Variants in SLC45A4 observed in about 807,000 individuals in gnomAD.
The protein encoded by SLC45A4 is solute carrier family 45 member 4.
In SLC45A4, 32 loss-of-function variants were observed where a neutral mutation model predicts 63.7. The observed-to-expected ratio is 0.50, with a 90% CI of 0.38 to 0.67. The LOEUF (loss-of-function observed/expected upper bound fraction) is 0.67, where lower values mean the gene tolerates loss of function less well. Among genes scored for constraint, SLC45A4 ranks in the 30% least tolerant of loss-of-function variants. The probability of loss-of-function intolerance (pLI) is 0.00; values close to 1 mark genes in which losing one functional copy is unlikely to be tolerated. For missense variants in SLC45A4, 1,027 were observed against 1,157.7 expected, an observed-to-expected ratio of 0.89 and a Z score of 1.64; for synonymous variants, 535 against 510.0, an observed-to-expected ratio of 1.05 and a Z score of -0.66.
chr8:141,293,550 T>C (rs778180702), intron 1 of SLC45A4, among the ~76,000 whole-genome samples: 36 of 152,376 alleles, frequency 2.4e-4, no homozygotes, highest in Non-Finnish European at 2.6e-4. Context: ...TGGCAATGTC[T>C]GCCTTTGAGC....
chr8:141,305,506 T>C (rs1830870121), intron 1 of SLC45A4, among the ~76,000 whole-genome samples: 1 of 152,192 alleles, frequency 6.6e-6, no homozygotes, highest in Non-Finnish European at 1.5e-5. Context: ...TCCTCACCCA[T>C]CATTAGCAGG....
chr8:141,231,557 G>C (rs1029478735), intron 2 of SLC45A4, among the ~76,000 whole-genome samples: 12 of 152,224 alleles, frequency 7.9e-5, no homozygotes, highest in African/African-American at 2.9e-4. Context: ...CCCAGCAACA[G>C]CAGGTGGGCG....
chr8:141,285,391 C>T (rs956419237), intron 1 of SLC45A4, among the ~76,000 whole-genome samples: 3 of 152,248 alleles, frequency 2.0e-5, no homozygotes, highest in South Asian at 2.1e-4. Flanking sequence ...CCCAGTTACA[C>T]GGGTTCGACC....
At chr8:141,298,054 C>T (rs1472814799) in intron 1 of SLC45A4, among the ~76,000 whole-genome samples, 1 of 146,128 alleles carries the variant, frequency 6.8e-6, no homozygotes, top group Non-Finnish European at 1.5e-5. Context: ...AGCCCTGCGG[C>T]AAGCCCGACT....
intron 2 of SLC45A4, among the ~76,000 whole-genome samples, chr8:141,248,524 C>T (rs1828320401): frequency 6.6e-6 from 1 of 151,670 alleles, no homozygotes; most frequent in Non-Finnish European, 1.5e-5. Context: ...GAGCTGTGAT[C>T]ACACCACTGC....
Position 141,218,517 on chromosome 8 carries a change from C to A in SLC45A4, c.1123G>T (p.Asp375Tyr). The change falls in exon 5 of 9, where the codon GAT (aspartate) becomes TAT (tyrosine). Residue 375 changes from aspartate to tyrosine, a missense_variant. Coordinates refer to ENST00000517878, the MANE Select transcript of SLC45A4 (RefSeq NM_001286646.2). Reference sequence around the variant, plus strand: ...ACTTTAGCTTCATTCAAGTGATTATCCAGCAAGGTCTCGTCCTCCTTGGCG... The same window carrying A: ...ACTTTAGCTTCATTCAAGTGATTATACAGCAAGGTCTCGTCCTCCTTGGCG... ...EAAKEDETLL[D>Y]NHLNEAKVPN... 1 of 1,613,562 alleles carries A rather than the reference C, an allele frequency of 6.2e-7. No individual in the cohort carries two copies. The highest frequency in any genetic ancestry group is 1.3e-5 in the African/African-American group (1 of 75,044).
rs1482501790 is a variant in SLC45A4 at position 141,209,651 on chromosome 8, C to CTG, written c.*1919_*1920dup. 8 of 152,348 alleles carry CTG rather than the reference C, an allele frequency of 5.3e-5. No individual in the cohort carries two copies. Among genetic ancestry groups the CTG allele is most frequent in the African/African-American group, 1.9e-4 (8 of 41,470 alleles). The allele number at this position is 152,348 out of a possible 1,614,324, so 9.4% of individuals were successfully genotyped here. On this transcript the variant is annotated 3_prime_UTR_variant, in exon 9 of 9. Coordinates refer to ENST00000517878, the MANE Select transcript of SLC45A4 (RefSeq NM_001286646.2). Reference sequence around the variant, plus strand: ...CTACAAAGTGTGCAGCCACCGACTCCTGTCACCGAGGAGCACACAACAGTC... The same window carrying CTG: ...CTACAAAGTGTGCAGCCACCGACTCCTGTGTCACCGAGGAGCACACAACAGTC...
At chr8:141,242,709 T>G (rs998112477) in intron 2 of SLC45A4, among the ~76,000 whole-genome samples, 1 of 152,174 alleles carries the variant, frequency 6.6e-6, no homozygotes, top group Non-Finnish European at 1.5e-5. Context: ...CTCCCTGCTC[T>G]CACTCACAGG....
At chr8:141,296,467 C>G (rs1445581493) in intron 1 of SLC45A4, among the ~76,000 whole-genome samples, 2 of 146,586 alleles carry the variant, frequency 1.4e-5, no homozygotes, top group Non-Finnish European at 3.0e-5. Flanking sequence ...CTGCTGCACT[C>G]CAGCCTGGGT....
intron 2 of SLC45A4, chr8:141,228,031 C>T (rs953703906): frequency 5.9e-5 from 53 of 892,124 alleles, no homozygotes; most frequent in Admixed American, 2.0e-4. Flanking sequence ...CAGGACCCAG[C>T]GCCTCATTTC....
chr8:141,297,354 C>T (rs921486579), intron 1 of SLC45A4, among the ~76,000 whole-genome samples: 2 of 152,116 alleles, frequency 1.3e-5, no homozygotes, highest in African/African-American at 2.4e-5. Flanking sequence ...GCCTAAGGCC[C>T]GCTAAGCCGA....
chr8:141,306,621 C>T (rs1423695855), intron 1 of SLC45A4, among the ~76,000 whole-genome samples: 1 of 152,258 alleles, frequency 6.6e-6, no homozygotes, highest in African/African-American at 2.4e-5. Flanking sequence ...CTAACCTGTA[C>T]ACCAATACTC....
chr8:141,231,862 C>T (rs895579958), intron 2 of SLC45A4, among the ~76,000 whole-genome samples: 4 of 152,248 alleles, frequency 2.6e-5, no homozygotes, highest in African/African-American at 7.2e-5. Context: ...CTCTCAACAG[C>T]GCCTGGTGAG....
chr8:141,219,109 T>C, intron 4 of SLC45A4, 80 bp from the exon 5 acceptor site: 1 of 1,502,762 alleles, frequency 6.7e-7, no homozygotes, highest in Non-Finnish European at 9.0e-7. Flanking sequence ...CCTCTCCCTC[T>C]AACAGGGGGC....
rs768730560 is a variant in SLC45A4, at chr8:141,211,420, G to A, written c.*152C>T. On this transcript the variant is annotated 3_prime_UTR_variant, in exon 9 of 9. Transcript: ENST00000517878. ...TGCCCAGCCCATCCCTGGGCAGGGT[G>A]TCTGGGAGCCACCCCTGCAAATCAC... 8.4e-6 allele frequency: 13 copies of A among 1,554,000 alleles called. 1 individual carries two copies. The South Asian group carries it at 1.6e-4, about 19-fold the overall frequency.
At chr8:141,271,363 G>A (rs1251536778) in intron 1 of SLC45A4, among the ~76,000 whole-genome samples, 1 of 152,198 alleles carries the variant, frequency 6.6e-6, no homozygotes, top group Non-Finnish European at 1.5e-5. Context: ...TTTTCCATCT[G>A]CAAAGGCAAA....
chr8:141,307,792 C>G (rs1385659102), intron 1 of SLC45A4, among the ~76,000 whole-genome samples: 2 of 107,994 alleles, frequency 1.9e-5, no homozygotes, highest in Non-Finnish European at 1.8e-5. Context: ...AATGAAGGCG[C>G]GCGCCCCGGG....
Position 141,229,440 on chromosome 8 carries a change from G to A in SLC45A4, c.242-7675C>T, listed in dbSNP as rs1472511228. Reference sequence around the variant, plus strand: ...CTAGAAAACACCAGGCTCACATCCCGCTCAGAACCTCAGCCACGGCCACTG... The same window carrying A: ...CTAGAAAACACCAGGCTCACATCCCACTCAGAACCTCAGCCACGGCCACTG... On this transcript the variant is annotated intron_variant, in intron 2 of 8. Transcript: ENST00000517878. This position sits in a 1 kb window ranked among gnomAD's most constrained non-coding sequence, Gnocchi z 5.0. Among the ~76,000 whole-genome samples the A allele has an allele frequency of 6.6e-6, 1 of 151,840 alleles. No homozygotes were observed. The highest frequency in any genetic ancestry group is 1.5e-5 in the Non-Finnish European group (1 of 67,976).
At chr8:141,284,082 T>C (rs1185182056) in intron 1 of SLC45A4, among the ~76,000 whole-genome samples, 1 of 152,230 alleles carries the variant, frequency 6.6e-6, no homozygotes, top group Non-Finnish European at 1.5e-5. Flanking sequence ...GTACACATTA[T>C]GCAATTTGCT....
Sources: allele counts gnomAD v4.1 joint callset (sites outside exome capture counted in the v4.1 genomes callset), GRCh38; gene constraint gnomAD v4.1.1; non-coding constraint Gnocchi (gnomAD v3.1); transcripts MANE v1.5; gene names NCBI Gene and HGNC (gene_info 2026-07-23, HGNC 2026-07-21).